KLK11: variants seen among roughly 807,000 people sequenced by gnomAD.
KLK11 encodes kallikrein-11.
A neutral mutation model predicts 23.4 loss-of-function variants in KLK11; 10 were observed. The ratio of observed to expected loss-of-function variants is 0.43; its 90% CI spans 0.26 to 0.73. The LOEUF is 0.73. KLK11 is among the 30% of genes least tolerant of loss of function. The pLI is 0.22. For missense variants in KLK11, 285 were observed against 327.8 expected (o/e 0.87, Z 1.01); for synonymous variants, 131 against 131.7 (o/e 0.99, Z 0.03).
intron 1 of KLK11, among the ~76,000 whole-genome samples, chr19:51,026,045 A>T (rs2091481906): frequency 6.6e-6 from 1 of 152,124 alleles, no homozygotes; most frequent in Non-Finnish European, 1.5e-5. Context: ...AGGCCCCAGC[A>T]GCTTGGGGTG....
chr19:51,024,545 C>T lies in KLK11; in HGVS notation c.197+93G>A. On this transcript the variant is annotated intron_variant, in intron 3 of 5. Transcript: ENST00000453757. The surrounding 1 kb of genome is among the most constrained non-coding windows in gnomAD (Gnocchi z 6.2). ...GACACTACCCATCCCCATCTCTAATCCCCTTACCAGCACCCCTATCCCTGA... is the reference window on the plus strand; with the variant it reads ...GACACTACCCATCCCCATCTCTAATTCCCTTACCAGCACCCCTATCCCTGA... 7.4e-7 allele frequency: 1 copy of T among 1,350,070 alleles called. No homozygotes were observed. Among genetic ancestry groups the T allele is most frequent in the Admixed American group, 2.7e-5 (1 of 37,112 alleles). 83.6% of individuals were successfully genotyped at this position (1,350,070 alleles called of 1,614,324 possible).
intron 5 of KLK11, 71 bp from the exon 6 acceptor site, chr19:51,022,768 G>A: frequency 6.4e-7 from 1 of 1,568,384 alleles, no homozygotes; most frequent in Non-Finnish European, 8.7e-7. Context: ...AGGAGGTGGG[G>A]ACGGTGCTTA....
At chr19:51,023,950 A>C in intron 4 of KLK11, 95 bp downstream of exon 4, 6 of 1,064,208 alleles carry the variant, frequency 5.6e-6, no homozygotes, top group Non-Finnish European at 7.8e-6. Context: ...CCACATCGTC[A>C]CTGTGAACCG....
In KLK11 at chr19:51,025,717, A is replaced by AGG. The variant is rs3217391; in HGVS notation, c.-35-53_-35-52dup. On this transcript the variant is annotated intron_variant, in intron 1 of 5. Transcript: ENST00000453757. The surrounding 1 kb of genome is among the most constrained non-coding windows in gnomAD (Gnocchi z 6.2). ...CGCATCACTTTACGGGGAAATCGGG[A>AGG]GGGGGGGGCTGGCTCATGCCCTCTC... 6.6e-6 allele frequency: 4 copies of AGG among 606,322 alleles called. No individual in the cohort carries two copies. Among genetic ancestry groups the AGG allele is most frequent in the South Asian group, 2.1e-5 (1 of 48,050 alleles). 37.6% of individuals were successfully genotyped at this position (606,322 alleles called of 1,614,324 possible). A position where few individuals can be genotyped will look rare whatever the true frequency, so the allele number is the denominator to read the frequency against.
rs2091415019 is a variant in KLK11, at chr19:51,022,449, G to C, written c.*96C>G. The C allele has an allele frequency of 1.4e-6, 2 of 1,452,416 alleles. No homozygotes were observed. Among genetic ancestry groups the C allele is most frequent in the Non-Finnish European group, 1.9e-6 (2 of 1,036,020 alleles). 90.0% of individuals were successfully genotyped at this position (1,452,416 alleles called of 1,614,324 possible). A position where few individuals can be genotyped will look rare whatever the true frequency, so the allele number is the denominator to read the frequency against. On this transcript the variant is annotated 3_prime_UTR_variant, in exon 6 of 6. Transcript: ENST00000453757. The stretch of plus-strand genomic sequence containing the variant: ...CCAGGAGGCCCAAAGAATGTTCGTA[G>C]AGGGTCTTGGCTTAGGGTTTCTTAT...
chr19:51,022,495 A>T lies in KLK11; in HGVS notation c.*50T>A, dbSNP rs2091415363. The T allele has an allele frequency of 1.2e-6, 2 of 1,611,884 alleles. No homozygotes were observed. Among genetic ancestry groups the T allele is most frequent in the Non-Finnish European group, 1.7e-6 (2 of 1,178,190 alleles). Reference sequence around the variant, plus strand: ...CTTATTAACAGAGTGAACAGGAACCAAACACCAAGTGGAAATGGAGGGTGA... The same window carrying T: ...CTTATTAACAGAGTGAACAGGAACCTAACACCAAGTGGAAATGGAGGGTGA... On this transcript the variant is annotated 3_prime_UTR_variant, in exon 6 of 6. Transcript: ENST00000453757.
chr19:51,025,531 G>C lies in KLK11; in HGVS notation c.40+61C>G. On this transcript the variant is annotated intron_variant, in intron 2 of 5. Transcript: ENST00000453757. The surrounding 1 kb of genome is among the most constrained non-coding windows in gnomAD (Gnocchi z 6.2). ...GCCCTGTCACTGTCCAGACACAGAG[G>C]GTTAGGGGATCCCAGAGATTCAAGA... 1 of 1,180,654 alleles carries C rather than the reference G, an allele frequency of 8.5e-7. No homozygotes were observed. The highest frequency in any genetic ancestry group is 2.7e-5 in the East Asian group (1 of 36,472). The allele number at this position is 1,180,654 out of a possible 1,614,324, so 73.1% of individuals were successfully genotyped here.
At chr19:51,027,601 C>G (rs1339913082), upstream of KLK11, 1 of 1,538,750 alleles carries the variant, frequency 6.5e-7, no homozygotes, top group African/African-American at 1.4e-5. Flanking sequence ...CCTCCCCTCT[C>G]TCCCCTGACC....
In KLK11 at chr19:51,024,864, T is replaced by TG. The variant is rs2091459415; in HGVS notation, c.41-71dup. 2 of 1,404,036 alleles carry TG rather than the reference T, an allele frequency of 1.4e-6. No individual in the cohort carries two copies. The highest frequency in any genetic ancestry group is 6.2e-5 in the Admixed American group (2 of 32,390). The allele number at this position is 1,404,036 out of a possible 1,614,324, so 87.0% of individuals were successfully genotyped here. A position where few individuals can be genotyped will look rare whatever the true frequency, so the allele number is the denominator to read the frequency against. On this transcript the variant is annotated intron_variant, in intron 2 of 5. Coordinates refer to ENST00000453757, the MANE Select transcript of KLK11 (RefSeq NM_001136032.3). The surrounding 1 kb of genome is among the most constrained non-coding windows in gnomAD (Gnocchi z 6.2). ...GGTAGACCAGGAGGACTCCCAGAAATGGGGGTGGGGAGGAGAGAAAGAGAG... is the reference window on the plus strand; with the variant it reads ...GGTAGACCAGGAGGACTCCCAGAAATGGGGGGTGGGGAGGAGAGAAAGAGAG...
rs1235550153 is a variant in KLK11 at position 51,024,455 on chromosome 19, T to C, written c.198-145A>G. The C allele has an allele frequency of 3.7e-6, 5 of 1,368,528 alleles. No homozygotes were observed. The Admixed American group carries it at 1.1e-4, about 31-fold the overall frequency. The allele number at this position is 1,368,528 out of a possible 1,614,324, so 84.8% of individuals were successfully genotyped here. A position where few individuals can be genotyped will look rare whatever the true frequency, so the allele number is the denominator to read the frequency against. The stretch of plus-strand genomic sequence containing the variant: ...CCCACCGAAGCCCCCTTCCCAGCCA[T>C]AGCCCCATCCCAACCCCATTCATCC... On this transcript the variant is annotated intron_variant, in intron 3 of 5. Transcript: ENST00000453757. This position sits in a 1 kb window ranked among gnomAD's most constrained non-coding sequence, Gnocchi z 6.2.
chr19:51,024,611 CGGCACCG>C lies in KLK11; in HGVS notation c.197+20_197+26del. 1.4e-6 allele frequency: 2 copies of C among 1,474,854 alleles called. No homozygotes were observed. Among genetic ancestry groups the C allele is most frequent in the Non-Finnish European group, 1.8e-6 (2 of 1,107,174 alleles). The allele number at this position is 1,474,854 out of a possible 1,614,324, so 91.4% of individuals were successfully genotyped here. On this transcript the variant is annotated intron_variant, in intron 3 of 5. Transcript: ENST00000453757. This position sits in a 1 kb window ranked among gnomAD's most constrained non-coding sequence, Gnocchi z 6.2. ...TCTCCCCATTCCCAGCCCCCCACCC[CGGCACCG>C]CCCCAGCCCCCGCACCCACGGCTTG...
chr19:51,023,802 T>C, intron 4 of KLK11: 1 of 420,864 alleles, frequency 2.4e-6, no homozygotes, highest in Non-Finnish European at 4.2e-6. Context: ...TTCAGAGAGG[T>C]GAAGCTGCTT....
chr19:51,023,832 G>A (rs2091436864), intron 4 of KLK11: 3 of 458,518 alleles, frequency 6.5e-6, no homozygotes, highest in Non-Finnish European at 1.1e-5. Flanking sequence ...CTTACAACCA[G>A]GAGGTTATGG....
Position 51,024,442 on chromosome 19 carries a change from C to T in KLK11, c.198-132G>A, listed in dbSNP as rs2091449064. The T allele has an allele frequency of 7.0e-7, 1 of 1,428,426 alleles. No homozygotes were observed. Among genetic ancestry groups the T allele is most frequent in the Admixed American group, 2.1e-5 (1 of 46,716 alleles). The allele number at this position is 1,428,426 out of a possible 1,614,324, so 88.5% of individuals were successfully genotyped here. On this transcript the variant is annotated intron_variant, in intron 3 of 5. Coordinates refer to ENST00000453757, the MANE Select transcript of KLK11 (RefSeq NM_001136032.3). The surrounding 1 kb of genome is among the most constrained non-coding windows in gnomAD (Gnocchi z 6.2). Reference sequence around the variant, plus strand: ...CTCTTCCACGTCTCCCACCGAAGCCCCCTTCCCAGCCATAGCCCCATCCCA... The same window carrying T: ...CTCTTCCACGTCTCCCACCGAAGCCTCCTTCCCAGCCATAGCCCCATCCCA...
At chr19:51,027,662 T>C, upstream of KLK11, 1 of 879,552 alleles carries the variant, frequency 1.1e-6, no homozygotes, top group Non-Finnish European at 1.8e-6. Flanking sequence ...CAGCCAGCCC[T>C]GGCCTCAAAC....
chr19:51,022,883 G>C (rs1478754854), intron 5 of KLK11, among the ~76,000 whole-genome samples, 186 bp from the exon 6 acceptor site: 1 of 152,162 alleles, frequency 6.6e-6, no homozygotes, highest in African/African-American at 2.4e-5. Context: ...GCTCAAAAAC[G>C]AGTTTGGGGA....
chr19:51,022,459 G>A lies in KLK11; in HGVS notation c.*86C>T. ...CAAAGAATGTTCGTAGAGGGTCTTG[G>A]CTTAGGGTTTCTTATTAACAGAGTG... On this transcript the variant is annotated 3_prime_UTR_variant, in exon 6 of 6. Coordinates refer to ENST00000453757, the MANE Select transcript of KLK11 (RefSeq NM_001136032.3). 1 of 1,530,464 alleles carries A rather than the reference G, an allele frequency of 6.5e-7. No individual in the cohort carries two copies. The highest frequency in any genetic ancestry group is 1.1e-5 in the South Asian group (1 of 88,688). 94.8% of individuals were successfully genotyped at this position (1,530,464 alleles called of 1,614,324 possible).
At chr19:51,026,040 C>T (rs1412060947) in intron 1 of KLK11, among the ~76,000 whole-genome samples, 5 of 152,158 alleles carry the variant, frequency 3.3e-5, no homozygotes, top group Non-Finnish European at 1.5e-5. Context: ...TGGCCAGGCC[C>T]CAGCAGCTTG....
intron 1 of KLK11, among the ~76,000 whole-genome samples, chr19:51,026,292 C>A (rs73591965): frequency 0.23 from 35,141 of 151,702 alleles, 5,941 homozygotes; most frequent in African/African-American, 0.48. Context: ...CAGTGCCCTC[C>A]GCTGCCCTGG....
Sources: gnomAD v4.1 joint callset for allele counts (sites outside exome capture counted in the v4.1 genomes callset) on GRCh38, gnomAD v4.1.1 for gene constraint, Gnocchi (gnomAD v3.1) non-coding constraint, MANE v1.5 for transcripts, NCBI Gene and HGNC (gene_info 2026-07-23, HGNC 2026-07-21) for gene names.